The following ANKRD27 variants were observed in gnomAD, a reference collection of about 807,000 sequenced individuals.
The protein encoded by ANKRD27 is ankyrin repeat domain 27.
Under a neutral mutation model 129.7 loss-of-function variants are expected in ANKRD27, and 112 were observed. The ratio of observed to expected loss-of-function variants is 0.86; its 90% CI spans 0.74 to 1.01. ANKRD27 has a LOEUF of 1.01. Among genes scored for constraint, ANKRD27 ranks in the 50% least tolerant of loss-of-function variants. The probability of loss-of-function intolerance (pLI) is 0.00; values close to 1 mark genes in which losing one functional copy is unlikely to be tolerated. For missense variants in ANKRD27, 1,258 were observed against 1,300.5 expected, an observed-to-expected ratio of 0.97 and a Z score of 0.50; for synonymous variants, 516 against 511.2, an observed-to-expected ratio of 1.01 and a Z score of -0.13.
chr19:32,626,352 T>C (rs1194573349), intron 16 of ANKRD27, among the ~76,000 whole-genome samples: 1 of 152,064 alleles, frequency 6.6e-6, no homozygotes, highest in Non-Finnish European at 1.5e-5. Context: ...AAAATATTTT[T>C]TGGTAGAGAT....
At chr19:32,622,212 G>C (rs1020542988) in intron 18 of ANKRD27, among the ~76,000 whole-genome samples, 6 of 152,196 alleles carry the variant, frequency 3.9e-5, no homozygotes, top group African/African-American at 1.4e-4. Flanking sequence ...GGAGTTCCTG[G>C]AACAACCCTG....
rs530964144 is a variant in ANKRD27, at chr19:32,604,497, G to A, written c.2494-73C>T. 5.6e-6 allele frequency: 8 copies of A among 1,417,000 alleles called. No homozygotes were observed. In the East Asian group the frequency reaches 1.9e-4, roughly 34 times the overall value. 87.8% of individuals were successfully genotyped at this position (1,417,000 alleles called of 1,614,324 possible). On this transcript the variant is annotated intron_variant, in intron 24 of 28. Transcript: ENST00000306065. ...CATGGAATCTGGCTGTGGGTATACA[G>A]GTATTCGCTATAAAACACATTGTTT... is the stretch of plus-strand genomic sequence containing the variant.
chr19:32,604,997 C>A, intron 24 of ANKRD27, among the ~76,000 whole-genome samples: 1 of 151,918 alleles, frequency 6.6e-6, no homozygotes, highest in Non-Finnish European at 1.5e-5. Context: ...GCTTGAACCC[C>A]GGAGGCAGAG....
At position 32,598,182 on chromosome 19, in the gene ANKRD27, AGG is replaced by A; in HGVS notation, c.3114_3115del (p.Ser1040HisfsTer6). ...AGCACTAACCTCTTGGGGAGTGGAG[AGG>A]GGGCCAGCAGCCTCCGGGCCCTGGG... On this transcript the variant is annotated frameshift_variant, in exon 29 of 29. Coordinates refer to ENST00000306065, the MANE Select transcript of ANKRD27 (RefSeq NM_032139.3). LOFTEE classifies it low-confidence loss of function (END_TRUNC). 1 of 1,613,978 alleles carries A rather than the reference AGG, an allele frequency of 6.2e-7. No individual in the cohort carries two copies. Among genetic ancestry groups the A allele is most frequent in the East Asian group, 2.2e-5 (1 of 44,876 alleles).
At chr19:32,639,282 A>G in intron 12 of ANKRD27, 74 bp downstream of exon 12, 1 of 1,580,486 alleles carries the variant, frequency 6.3e-7, no homozygotes, top group Non-Finnish European at 8.6e-7. Flanking sequence ...GTCTGCCCAC[A>G]TACCAACCCC....
chr19:32,663,775 G>A (rs1050393973), intron 1 of ANKRD27, among the ~76,000 whole-genome samples: 5 of 152,222 alleles, frequency 3.3e-5, no homozygotes, highest in Admixed American at 3.3e-4. Context: ...AGAAATAGGG[G>A]GCCGGGTGTG....
chr19:32,634,180 G>A (rs1967048676), intron 12 of ANKRD27, among the ~76,000 whole-genome samples: 2 of 152,166 alleles, frequency 1.3e-5, no homozygotes, highest in African/African-American at 4.8e-5. Flanking sequence ...CTGCTGTGAG[G>A]AGATACACTT....
At chr19:32,656,760 A>G (rs1967545205) in intron 2 of ANKRD27, among the ~76,000 whole-genome samples, 1 of 149,790 alleles carries the variant, frequency 6.7e-6, no homozygotes, top group Admixed American at 6.8e-5. Context: ...ATTCTAGCCC[A>G]GGCTGGGGGA....
At chr19:32,618,697 G>C (rs1971960805) in intron 20 of ANKRD27, among the ~76,000 whole-genome samples, 2 of 152,066 alleles carry the variant, frequency 1.3e-5, no homozygotes, top group African/African-American at 4.8e-5. Flanking sequence ...AGCACCCATG[G>C]GGGGGCCATC....
At position 32,597,459 on chromosome 19, in the gene ANKRD27, ATACTGC is replaced by A. The variant is rs1405380867; in HGVS notation, c.*680_*685del. The A allele has an allele frequency of 6.5e-6, 1 of 152,748 alleles. No individual in the cohort carries two copies. Among genetic ancestry groups the A allele is most frequent in the African/African-American group, 2.4e-5 (1 of 41,460 alleles). 9.5% of individuals were successfully genotyped at this position (152,748 alleles called of 1,614,324 possible). On this transcript the variant is annotated 3_prime_UTR_variant, in exon 29 of 29. Transcript: ENST00000306065. ...TCAACAAAAAGGGATGTTTCTAGAA[ATACTGC>A]TACAGGTGCACGTGTAGTAACCGAA...
intron 22 of ANKRD27, among the ~76,000 whole-genome samples, chr19:32,613,224 GAT>G (rs1364725581): frequency 6.6e-6 from 1 of 152,190 alleles, no homozygotes; most frequent in Non-Finnish European, 1.5e-5. Context: ...GCCACACTGA[GAT>G]AGTACTACAC....
rs1357471292 is a variant in ANKRD27, at chr19:32,666,639, CTATTTTT to C, written c.-30-7601_-30-7595del. On this transcript the variant is annotated intron_variant, in intron 1 of 28. Transcript: ENST00000306065. ...GGGCACAGAAAAGGAAATCAGATTT[CTATTTTT>C]TTTTTTTTTTTTTTTTGAGACAGAG... Among the ~76,000 whole-genome samples, 5 of 111,998 alleles carry C rather than the reference CTATTTTT, an allele frequency of 4.5e-5. No individual in the cohort carries two copies. In the East Asian group the frequency reaches 1.1e-3, roughly 24 times the overall value. The allele number at this position is 111,998 out of a possible 152,430, so 73.5% of individuals were successfully genotyped here. A position where few individuals can be genotyped will look rare whatever the true frequency, so the allele number is the denominator to read the frequency against.
Position 32,600,037 on chromosome 19 carries a change from C to T in ANKRD27, c.2781G>A (p.Leu927=). ...VKIRKKWNSK[L]YDLPDEPFTR... is the part of the protein sequence containing the mutation. ...TAAAAGGCTCATCTGGTAGATCATA[C>T]AGTTTTGAGTTCCCTGTAGATAAAA... Residue 927 remains leucine, a synonymous_variant, in exon 27 of 29, where the codon CTG becomes CTA. Transcript: ENST00000306065. 1.2e-6 allele frequency: 2 copies of T among 1,612,106 alleles called. No individual in the cohort carries two copies. The highest frequency in any genetic ancestry group is 8.5e-7 in the Non-Finnish European group (1 of 1,178,406).
rs2145296658 is a variant in ANKRD27, at chr19:32,639,356, A to G, written c.1116T>C (p.Pro372=). 2 of 1,614,190 alleles carry G rather than the reference A, an allele frequency of 1.2e-6. No homozygotes were observed. Among genetic ancestry groups the G allele is most frequent in the Non-Finnish European group, 1.7e-6 (2 of 1,180,030 alleles). The part of the protein sequence containing the change: ...IRQGSLSAKP[P]ESEGFGDRLF... ...GGCCAGGGCAGGGGTGAGATCTTAC[A>G]GGGGGTTTAGCAGAGAGGCTTCCTT... The change falls in exon 12 of 29, where the codon CCT becomes CCC. Residue 372 remains proline, a splice_region_variant and synonymous_variant. Coordinates refer to ENST00000306065, the MANE Select transcript of ANKRD27 (RefSeq NM_032139.3).
chr19:32,665,676 GTC>G (rs1465028034), intron 1 of ANKRD27, among the ~76,000 whole-genome samples: 1 of 151,980 alleles, frequency 6.6e-6, no homozygotes, highest in Non-Finnish European at 1.5e-5. Context: ...AGCCAGGATG[GTC>G]TCGATCTCCT....
intron 24 of ANKRD27, 70 bp downstream of exon 24, chr19:32,605,765 G>C (rs1971723292): frequency 6.3e-7 from 1 of 1,580,410 alleles, no homozygotes; most frequent in East Asian, 2.4e-5. Flanking sequence ...TGCGCTGCGG[G>C]GGTCGCTGGG....
chr19:32,606,453 C>T (rs774559642), intron 23 of ANKRD27, among the ~76,000 whole-genome samples: 5 of 151,990 alleles, frequency 3.3e-5, no homozygotes, highest in African/African-American at 4.8e-5. Context: ...CACGCCCAGC[C>T]GTCTCTGAGC....
At chr19:32,624,060 G>A (rs997802289) in intron 17 of ANKRD27, among the ~76,000 whole-genome samples, 1 of 152,146 alleles carries the variant, frequency 6.6e-6, no homozygotes, top group Admixed American at 6.6e-5. Flanking sequence ...ATAGATCACT[G>A]CAGCTATTAA....
chr19:32,673,876 GTGGC>G (rs1327086095), intron 1 of ANKRD27, among the ~76,000 whole-genome samples: 3 of 151,934 alleles, frequency 2.0e-5, no homozygotes, highest in Admixed American at 2.0e-4. Flanking sequence ...GCAAAACGTG[GTGGC>G]TAGTGCCTGT....
Sources: gnomAD v4.1 joint callset for allele counts (sites outside exome capture counted in the v4.1 genomes callset) on GRCh38, gnomAD v4.1.1 for gene constraint, MANE v1.5 for transcripts, NCBI Gene and HGNC (gene_info 2026-07-23, HGNC 2026-07-21) for gene names.